The following EYA2 variants were observed in gnomAD, a reference collection of about 807,000 sequenced individuals.
EYA2 encodes EYA transcriptional coactivator and phosphatase 2, also known as protein phosphatase EYA2.
A neutral mutation model predicts 69.2 loss-of-function variants in EYA2; 31 were observed. The ratio of observed to expected loss-of-function variants is 0.45; its 90% CI spans 0.34 to 0.60. EYA2 has a LOEUF of 0.60. Ranked by LOEUF, EYA2 falls within the 20% of genes least tolerant of loss-of-function variation. The pLI is 0.02. For missense variants in EYA2, 622 were observed against 701.2 expected (o/e 0.89, Z 1.28); for synonymous variants, 257 against 279.4 (o/e 0.92, Z 0.80).
intron 1 of EYA2, among the ~76,000 whole-genome samples, chr20:46,899,959 T>G (rs1443506678): frequency 6.6e-6 from 1 of 152,236 alleles, no homozygotes; most frequent in African/African-American, 2.4e-5. Flanking sequence ...GCAATGCCAA[T>G]TTAAACATCT....
chr20:47,076,250 A>G (rs1320330095), intron 7 of EYA2, among the ~76,000 whole-genome samples: 1 of 152,220 alleles, frequency 6.6e-6, no homozygotes, highest in Non-Finnish European at 1.5e-5. Flanking sequence ...TCCAAATGGT[A>G]GTTTCATTTT....
intron 9 of EYA2, chr20:47,117,538 G>T: frequency 1.0e-6 from 1 of 985,382 alleles, no homozygotes; most frequent in Non-Finnish European, 1.2e-6. Context: ...TTCCGGCTTG[G>T]ATTCCGGAAT....
chr20:47,160,894 C>A, intron 10 of EYA2: 1 of 235,766 alleles, frequency 4.2e-6, no homozygotes, highest in South Asian at 7.7e-5. Flanking sequence ...CTGATGGGGT[C>A]TTGACAAGGT....
At chr20:46,974,697 T>C (rs1980346533) in intron 1 of EYA2, among the ~76,000 whole-genome samples, 1 of 152,040 alleles carries the variant, frequency 6.6e-6, no homozygotes, top group Non-Finnish European at 1.5e-5. Flanking sequence ...TTTTGCTTTG[T>C]GCCTTGTTTT....
intron 1 of EYA2, among the ~76,000 whole-genome samples, chr20:46,938,471 G>C (rs768454206): frequency 1.3e-5 from 2 of 152,182 alleles, no homozygotes; most frequent in African/African-American, 2.4e-5. Context: ...CTCCACTCAG[G>C]GTCTCTCATG....
chr20:47,140,746 T>C (rs1311858700), intron 9 of EYA2, among the ~76,000 whole-genome samples: 1 of 152,212 alleles, frequency 6.6e-6, no homozygotes, highest in African/African-American at 2.4e-5. Context: ...TTAGTGTTGC[T>C]ATAATAGAGT....
At chr20:47,030,490 C>T (rs1234632248) in intron 5 of EYA2, among the ~76,000 whole-genome samples, 1 of 152,076 alleles carries the variant, frequency 6.6e-6, no homozygotes, top group African/African-American at 2.4e-5. Context: ...GGCCACACAG[C>T]CCCAGGCTGA....
intron 5 of EYA2, among the ~76,000 whole-genome samples, chr20:47,030,513 A>G (rs1333559922): frequency 7.0e-6 from 1 of 143,378 alleles, no homozygotes; most frequent in Non-Finnish European, 1.6e-5. Context: ...GTCAAGCCAC[A>G]CCTTCATGGA....
At position 47,015,378 on chromosome 20, in the gene EYA2, G is replaced by A. The variant is rs554597075; in HGVS notation, c.299-803G>A. Among the ~76,000 whole-genome samples, 5 of 152,328 alleles carry A rather than the reference G, an allele frequency of 3.3e-5. No individual in the cohort carries two copies. The South Asian group carries it at 1.0e-3, about 32-fold the overall frequency. ...GCTTTAGGTAAGCATGCCGAGTTTT[G>A]CTGAAGCAGAAGGCAGATTTGTAAC... On this transcript the variant is annotated intron_variant, in intron 4 of 15. Transcript: ENST00000327619.
At chr20:47,183,126 G>C (rs1414381769) in intron 14 of EYA2, among the ~76,000 whole-genome samples, 165 bp from the exon 15 acceptor site, 1 of 152,134 alleles carries the variant, frequency 6.6e-6, no homozygotes, top group Admixed American at 6.5e-5. Flanking sequence ...TCCTTCATGT[G>C]GGGATGATAA....
intron 1 of EYA2, among the ~76,000 whole-genome samples, chr20:46,949,503 C>T (rs1978672462): frequency 1.3e-5 from 2 of 152,172 alleles, no homozygotes; most frequent in South Asian, 4.1e-4. Flanking sequence ...GGTCAGAGCT[C>T]AGTTCAGGTA....
chr20:47,072,621 C>T (rs527436386), intron 6 of EYA2, among the ~76,000 whole-genome samples: 34 of 152,288 alleles, frequency 2.2e-4, no homozygotes, highest in African/African-American at 7.9e-4. Flanking sequence ...CTCACCTCTG[C>T]ATCCCCAGTG....
At chr20:47,142,379 C>T (rs528516170) in intron 9 of EYA2, among the ~76,000 whole-genome samples, 1 of 152,220 alleles carries the variant, frequency 6.6e-6, no homozygotes, top group Non-Finnish European at 1.5e-5. Context: ...CAAATTCATA[C>T]GTTATGCTGT....
At chr20:46,993,653 T>C (rs1981832697) in intron 2 of EYA2, among the ~76,000 whole-genome samples, 1 of 152,166 alleles carries the variant, frequency 6.6e-6, no homozygotes, top group African/African-American at 2.4e-5. Context: ...CACGCTAGGG[T>C]GCTGACAAAG....
chr20:47,024,066 T>C (rs1983938325), intron 5 of EYA2, among the ~76,000 whole-genome samples: 1 of 152,236 alleles, frequency 6.6e-6, no homozygotes, highest in African/African-American at 2.4e-5. Context: ...TCCTGTCATT[T>C]CTGGGTTCAT....
At chr20:47,067,553 T>G (rs976642203) in intron 5 of EYA2, among the ~76,000 whole-genome samples, 2 of 152,140 alleles carry the variant, frequency 1.3e-5, no homozygotes, top group African/African-American at 2.4e-5. Flanking sequence ...ATAGCTCATG[T>G]CACCCATAAA....
chr20:47,108,828 T>G (rs1481764237), intron 9 of EYA2, among the ~76,000 whole-genome samples: 1 of 151,990 alleles, frequency 6.6e-6, no homozygotes, highest in Non-Finnish European at 1.5e-5. Flanking sequence ...GTGCTGGGAT[T>G]ACAGGCGTGA....
chr20:47,186,048 C>G (rs1330720119), intron 15 of EYA2, among the ~76,000 whole-genome samples: 1 of 152,198 alleles, frequency 6.6e-6, no homozygotes, highest in Non-Finnish European at 1.5e-5. Flanking sequence ...TTAAATGACA[C>G]TCCCTGGAGA....
chr20:47,162,540 C>T (rs1461990117), intron 10 of EYA2, among the ~76,000 whole-genome samples: 2 of 93,396 alleles, frequency 2.1e-5, no homozygotes, highest in East Asian at 6.0e-4. Flanking sequence ...TTTTTTGAGA[C>T]ACAGTCTCGC....
Sources: allele counts gnomAD v4.1 joint callset (sites outside exome capture counted in the v4.1 genomes callset), GRCh38; gene constraint gnomAD v4.1.1; transcripts MANE v1.5; gene names NCBI Gene and HGNC (gene_info 2026-07-23, HGNC 2026-07-21).